EXOC4: variants seen among roughly 807,000 people sequenced by gnomAD.
The protein encoded by EXOC4 is exocyst complex component 4, also known as SEC8-like 1.
EXOC4 carries 71 observed loss-of-function variants against 107.2 expected under a neutral mutation model. The observed-to-expected ratio is 0.66, with a 90% CI of 0.55 to 0.81. The LOEUF (loss-of-function observed/expected upper bound fraction) is 0.81, where lower values mean the gene tolerates loss of function less well. Ranked by LOEUF, EXOC4 falls within the 30% of genes least tolerant of loss-of-function variation. The pLI is 0.00. For synonymous variants in EXOC4, 456 were observed against 441.2 expected, an observed-to-expected ratio of 1.03 and a Z score of -0.42; for missense variants, 1,108 against 1,189.6, an observed-to-expected ratio of 0.93 and a Z score of 1.01.
At chr7:133,728,460 T>C (rs901019567) in intron 10 of EXOC4, among the ~76,000 whole-genome samples, 5 of 152,218 alleles carry the variant, frequency 3.3e-5, no homozygotes, top group African/African-American at 2.4e-5. Context: ...GTCTCAAGCT[T>C]TTCTGACCAT....
intron 10 of EXOC4, among the ~76,000 whole-genome samples, chr7:133,698,854 C>A (rs1794595377): frequency 6.6e-6 from 1 of 151,682 alleles, no homozygotes; most frequent in Non-Finnish European, 1.5e-5. Flanking sequence ...TGTGTGTCTG[C>A]AATATGGAAA....
intron 7 of EXOC4, among the ~76,000 whole-genome samples, chr7:133,446,110 T>C (rs569239343): frequency 1.1e-3 from 165 of 151,928 alleles, no homozygotes; most frequent in African/African-American, 3.9e-3. Context: ...TCAAGCAGAG[T>C]CCTTCCTCTT....
intron 10 of EXOC4, among the ~76,000 whole-genome samples, chr7:133,778,982 A>G (rs1235707200): frequency 6.6e-6 from 1 of 152,204 alleles, no homozygotes; most frequent in Non-Finnish European, 1.5e-5. Context: ...GTATCTTCAA[A>G]TAAGCAGTCC....
rs910161176 is a variant in EXOC4 at position 133,638,157 on chromosome 7, A to G, written c.1514+8016A>G. On this transcript the variant is annotated intron_variant, in intron 10 of 17. Transcript: ENST00000253861. ...TAGTTATTTTGTTATTTGTTGCTTC[A>G]TAAGTATGGATTATAACTAGTTGGT... is the stretch of plus-strand genomic sequence containing the variant. Among the ~76,000 whole-genome samples the G allele has an allele frequency of 7.2e-5, 11 of 152,218 alleles. 1 individual carries two copies. Among genetic ancestry groups the G allele is most frequent in the African/African-American group, 1.9e-4 (8 of 41,464 alleles).
chr7:133,576,878 G>A (rs1257895872), intron 9 of EXOC4: 2 of 1,289,070 alleles, frequency 1.6e-6, no homozygotes, highest in Non-Finnish European at 2.0e-6. Flanking sequence ...ATCGGGTAAT[G>A]TGTTTTAAGA....
At chr7:133,265,093 C>T (rs1232323613) in intron 1 of EXOC4, among the ~76,000 whole-genome samples, 1 of 152,122 alleles carries the variant, frequency 6.6e-6, no homozygotes, top group Non-Finnish European at 1.5e-5. Context: ...ATCACATCAG[C>T]TCTAGACTCT....
At chr7:133,599,380 A>G (rs1376860184) in intron 9 of EXOC4, among the ~76,000 whole-genome samples, 3 of 152,222 alleles carry the variant, frequency 2.0e-5, no homozygotes, top group Admixed American at 6.5e-5. Context: ...TCCTTGCTGA[A>G]TGCTACTGTC....
intron 13 of EXOC4, among the ~76,000 whole-genome samples, chr7:133,921,756 C>T (rs111619937): frequency 2.0e-5 from 3 of 152,258 alleles, no homozygotes; most frequent in African/African-American, 7.2e-5. Context: ...TTTTCAGTTA[C>T]TATTGCTTCA....
At chr7:133,905,907 C>G (rs1230250481) in intron 12 of EXOC4, among the ~76,000 whole-genome samples, 1 of 152,066 alleles carries the variant, frequency 6.6e-6, no homozygotes, top group African/African-American at 2.4e-5. Flanking sequence ...CTTGTTGACC[C>G]TCGGTATGCT....
intron 5 of EXOC4, among the ~76,000 whole-genome samples, chr7:133,322,628 G>A (rs1369483410): frequency 1.3e-5 from 2 of 152,166 alleles, no homozygotes; most frequent in Non-Finnish European, 2.9e-5. Context: ...TCGCCTTCTA[G>A]TATAGTTTGA....
intron 3 of EXOC4, among the ~76,000 whole-genome samples, chr7:133,302,759 G>T (rs1229263571): frequency 6.6e-6 from 1 of 151,896 alleles, no homozygotes; most frequent in Non-Finnish European, 1.5e-5. Context: ...ATTTCTTATA[G>T]CAGCTACCTA....
intron 12 of EXOC4, among the ~76,000 whole-genome samples, chr7:133,912,894 T>C (rs572451101): frequency 3.3e-5 from 5 of 152,280 alleles, no homozygotes; most frequent in African/African-American, 1.2e-4. Context: ...TGTGATTTAC[T>C]TGGTCTTGGG....
chr7:133,587,945 A>G (rs527435514), intron 9 of EXOC4, among the ~76,000 whole-genome samples: 16 of 152,176 alleles, frequency 1.1e-4, no homozygotes, highest in Non-Finnish European at 1.8e-4. Flanking sequence ...GAGACTATAG[A>G]CTGTAATTTC....
Position 133,356,485 on chromosome 7 carries a change from T to G in EXOC4, c.919T>G (p.Leu307Val). Residue 307 changes from leucine (L) to valine (V), a missense_variant, in exon 6 of 18, where the codon TTG becomes GTG. Leu to Val is a conservative substitution (Grantham distance 32). Transcript: ENST00000253861. ...KAIIERLEQE[L>V]KQIVKRSTTQ... ...AATCATAGAGCGCTTGGAGCAGGAG[T>G]TGAAGCAAATTGTGAAGAGGTCTAC... 6.2e-7 allele frequency: 1 copy of G among 1,613,916 alleles called. No homozygotes were observed. Among genetic ancestry groups the G allele is most frequent in the Non-Finnish European group, 8.5e-7 (1 of 1,179,976 alleles).
intron 3 of EXOC4, among the ~76,000 whole-genome samples, chr7:133,299,348 C>T (rs1159637986): frequency 6.6e-6 from 1 of 151,990 alleles, no homozygotes; most frequent in African/African-American, 2.4e-5. Context: ...TACTGCCGTT[C>T]TGTGAGGCTC....
intron 17 of EXOC4, among the ~76,000 whole-genome samples, chr7:134,057,555 A>G (rs1239943381): frequency 6.6e-6 from 1 of 152,196 alleles, no homozygotes; most frequent in Admixed American, 6.5e-5. Context: ...GGGGAATACA[A>G]ATAAGAGCAA....
chr7:133,370,182 G>T (rs568510397), intron 6 of EXOC4, among the ~76,000 whole-genome samples: 33 of 129,850 alleles, frequency 2.5e-4, no homozygotes, highest in Admixed American at 1.1e-3. Context: ...TCTGAGACAG[G>T]TCTCAATCAG....
intron 9 of EXOC4, among the ~76,000 whole-genome samples, chr7:133,512,643 G>A (rs900591026): frequency 2.6e-5 from 4 of 152,246 alleles, no homozygotes; most frequent in Admixed American, 2.6e-4. Context: ...CGTAGTGAGG[G>A]AGAGCTTAGC....
chr7:133,665,957 T>C (rs903436924), intron 10 of EXOC4, among the ~76,000 whole-genome samples: 23 of 152,208 alleles, frequency 1.5e-4, no homozygotes, highest in African/African-American at 5.3e-4. Context: ...ACTAAATTTA[T>C]ACATTCTAGG....
Sources: allele counts gnomAD v4.1 joint callset (sites outside exome capture counted in the v4.1 genomes callset), GRCh38; gene constraint gnomAD v4.1.1; transcripts MANE v1.5; gene names NCBI Gene and HGNC (gene_info 2026-07-23, HGNC 2026-07-21).